PCDHA6: variants seen among roughly 807,000 people sequenced by gnomAD.
PCDHA6 encodes protocadherin alpha 6, also known as protocadherin alpha-6.
A neutral mutation model predicts 60.3 loss-of-function variants in PCDHA6; 55 were observed. The observed-to-expected ratio is 0.91, with a 90% CI of 0.73 to 1.14. The LOEUF (loss-of-function observed/expected upper bound fraction) is 1.14. PCDHA6 is among the 50% of genes most tolerant of loss of function. The pLI is 0.00. For missense variants in PCDHA6, 1,327 were observed against 1,256.5 expected (o/e 1.06, Z -0.85); for synonymous variants, 652 against 557.9 (o/e 1.17, Z -2.38).
intron 1 of PCDHA6, chr5:140,875,955 T>C: frequency 6.2e-7 from 1 of 1,614,158 alleles, no homozygotes; most frequent in African/African-American, 1.3e-5. Flanking sequence ...CTGATGCGGA[T>C]ATCGGCGTAA....
chr5:140,928,570 C>T (rs2085340367), intron 1 of PCDHA6: 1 of 1,614,196 alleles, frequency 6.2e-7, no homozygotes, highest in African/African-American at 1.3e-5. Context: ...GTTTCCCTTG[C>T]CCAGAAATGG....
intron 3 of PCDHA6, among the ~76,000 whole-genome samples, chr5:140,988,398 C>A (rs531157517): frequency 1.3e-5 from 2 of 152,238 alleles, no homozygotes; most frequent in Non-Finnish European, 2.9e-5. Context: ...TGCCAGAGTT[C>A]TCTTCGCAGC....
rs2150455604 is a variant in PCDHA6, at chr5:140,849,875, C to T, written c.2394+19390C>T. The T allele has an allele frequency of 6.9e-5, 111 of 1,598,488 alleles. 9 individuals are homozygous for T. The highest frequency in any genetic ancestry group is 8.0e-5 in the Non-Finnish European group (93 of 1,168,004). On this transcript the variant is annotated intron_variant, in intron 1 of 3. Transcript: ENST00000529310. ...CACCAGCGTTCGCGCAGTCCGAGTA[C>T]ACGGTGTTCGTGAAGGAGAACAACC...
chr5:140,841,682 G>A (rs2150320729), intron 1 of PCDHA6: 3 of 1,613,962 alleles, frequency 1.9e-6, no homozygotes, highest in East Asian at 2.2e-5. Flanking sequence ...CCATGTGGAC[G>A]TGGAGGTGAA....
At chr5:140,835,228 C>G (rs1260478265) in intron 1 of PCDHA6, 2 of 1,593,870 alleles carry the variant, frequency 1.3e-6, no homozygotes, top group African/African-American at 2.8e-5. Context: ...TACTCCTTCT[C>G]CAGTGATGTT....
chr5:140,829,176 A>C lies in PCDHA6; in HGVS notation c.1085A>C (p.Asp362Ala). 4.3e-6 allele frequency: 7 copies of C among 1,614,178 alleles called. No homozygotes were observed. In the South Asian group the frequency reaches 6.6e-5, roughly 15 times the overall value. Reference sequence around the variant, plus strand: ...TCCTTATCCTTGCCTGTACGTGAAGACGCTCAATTTGGTACTGTCATCGCC... The same window carrying C: ...TCCTTATCCTTGCCTGTACGTGAAGCCGCTCAATTTGGTACTGTCATCGCC... ...LTSLSLPVRE[D>A]AQFGTVIALI... Residue 362 changes from aspartate to alanine, a missense_variant, in exon 1 of 4, where the codon GAC (aspartate) becomes GCC (alanine). Physicochemically the swap from Asp to Ala is moderately radical, Grantham distance 126. Transcript: ENST00000529310.
intron 3 of PCDHA6, among the ~76,000 whole-genome samples, chr5:141,008,824 T>C (rs1042258496): frequency 6.6e-6 from 1 of 152,186 alleles, no homozygotes; most frequent in African/African-American, 2.4e-5. Flanking sequence ...TACAACAGGA[T>C]TCCATCCTCT....
In PCDHA6 at chr5:141,010,336, G is replaced by A. The variant is rs1297379181; in HGVS notation, c.*399G>A. ...AGATTGAGCAGCTTGGGAGTTTGTG[G>A]CCACTGGGTATGTGTGGCTACCGCG... On this transcript the variant is annotated 3_prime_UTR_variant, in exon 4 of 4. Coordinates refer to ENST00000529310, the MANE Select transcript of PCDHA6 (RefSeq NM_018909.4). 25 of 1,535,806 alleles carry A rather than the reference G, an allele frequency of 1.6e-5. No individual in the cohort carries two copies. The highest frequency in any genetic ancestry group is 2.2e-5 in the Non-Finnish European group (25 of 1,141,450).
chr5:140,869,945 T>C lies in PCDHA6; in HGVS notation c.2394+39460T>C, dbSNP rs528075021. On this transcript the variant is annotated intron_variant, in intron 1 of 3. Transcript: ENST00000529310. ...GTCAATGGAGAGGTAACATACTCCTTAATGTCAATTAAGCCCAATGGAAGA... is the reference window on the plus strand; with the variant it reads ...GTCAATGGAGAGGTAACATACTCCTCAATGTCAATTAAGCCCAATGGAAGA... 8 of 1,612,376 alleles carry C rather than the reference T, an allele frequency of 5.0e-6. No individual in the cohort carries two copies. The African/African-American group carries it at 8.0e-5, about 16-fold the overall frequency.
rs2150473414 is a variant in PCDHA6 at position 140,850,210 on chromosome 5, G to A, written c.2394+19725G>A. 67 of 1,593,594 alleles carry A rather than the reference G, an allele frequency of 4.2e-5. No individual in the cohort carries two copies. In the East Asian group the frequency reaches 1.2e-3, roughly 28 times the overall value. ...GCGCTGCTGACACCTCGGATGAGGG[G>A]CACTGACGGCGCAGTGAGCGAGATG... is the stretch of plus-strand genomic sequence containing the variant. On this transcript the variant is annotated intron_variant, in intron 1 of 3. Coordinates refer to ENST00000529310, the MANE Select transcript of PCDHA6 (RefSeq NM_018909.4).
At chr5:140,858,863 A>T (rs1042514918) in intron 1 of PCDHA6, 3 of 258,704 alleles carry the variant, frequency 1.2e-5, no homozygotes, top group Admixed American at 5.3e-5. Context: ...CTCTTCAGTG[A>T]AAATGTGTTT....
In PCDHA6 at chr5:140,846,436, G is replaced by T. The variant is rs191314082; in HGVS notation, c.2394+15951G>T. ...ATCTCCCAGGCTGGAATGCAGTGGCGCAATCTCGGCTCACTGCAACCTCTG... is the reference window on the plus strand; with the variant it reads ...ATCTCCCAGGCTGGAATGCAGTGGCTCAATCTCGGCTCACTGCAACCTCTG... On this transcript the variant is annotated intron_variant, in intron 1 of 3. Transcript: ENST00000529310. 7.4e-4 allele frequency among the ~76,000 whole-genome samples: 97 copies of T among 131,384 alleles called. 7 individuals carry two copies. The highest frequency in any genetic ancestry group is 2.7e-3 in the Admixed American group (32 of 11,706). The allele number at this position is 131,384 out of a possible 152,430, so 86.2% of individuals were successfully genotyped here.
At chr5:140,993,462 TCACACACACACACACACACACA>T (rs3836747) in intron 3 of PCDHA6, among the ~76,000 whole-genome samples, 6 of 141,044 alleles carry the variant, frequency 4.3e-5, no homozygotes, top group East Asian at 4.2e-4. Context: ...TCTTTCTTTC[TCACACACACACACACACACACA>T]CACACACACA....
intron 1 of PCDHA6, chr5:140,882,537 T>C (rs1582624652): frequency 6.2e-7 from 1 of 1,614,176 alleles, no homozygotes; most frequent in East Asian, 2.2e-5. Context: ...AATTCTCGGA[T>C]CGACCGCGAG....
At chr5:140,998,156 C>T (rs782675490) in intron 3 of PCDHA6, among the ~76,000 whole-genome samples, 3 of 152,178 alleles carry the variant, frequency 2.0e-5, no homozygotes, top group Non-Finnish European at 4.4e-5. Context: ...ACAGTTAAGC[C>T]ATGTGCCAAG....
intron 3 of PCDHA6, among the ~76,000 whole-genome samples, chr5:141,000,387 CTCTCTCTCTATATATATATA>C (rs1348939997): frequency 1.5e-5 from 1 of 66,898 alleles, no homozygotes; most frequent in Non-Finnish European, 2.8e-5. Context: ...CTCTCTCTCT[CTCTCTCTCTATATATATATA>C]TATATATATA....
intron 1 of PCDHA6, among the ~76,000 whole-genome samples, chr5:140,887,924 G>C (rs782008714): frequency 6.6e-5 from 10 of 152,026 alleles, no homozygotes; most frequent in Admixed American, 6.6e-4. Context: ...TCATTTCAGA[G>C]ACCATATTTA....
chr5:140,969,450 G>GTA (rs782343162), intron 1 of PCDHA6: 4 of 1,511,552 alleles, frequency 2.6e-6, no homozygotes, highest in Non-Finnish European at 3.6e-6. Flanking sequence ...GGTAAACTGA[G>GTA]TATATATAGT....
Position 141,010,422 on chromosome 5 carries a change from G to A in PCDHA6, c.*485G>A. The A allele has an allele frequency of 8.7e-7, 1 of 1,145,442 alleles. No homozygotes were observed. Among genetic ancestry groups the A allele is most frequent in the Non-Finnish European group, 1.2e-6 (1 of 836,490 alleles). The allele number at this position is 1,145,442 out of a possible 1,614,324, so 71.0% of individuals were successfully genotyped here. A position where few individuals can be genotyped will look rare whatever the true frequency, so the allele number is the denominator to read the frequency against. On this transcript the variant is annotated 3_prime_UTR_variant, in exon 4 of 4. Transcript: ENST00000529310. ...AGCTTAGACTAATTGGTACAAGGAA[G>A]GCAAGAAAACAAAGACAAATAAACA... is the stretch of plus-strand genomic sequence containing the variant.
Sources: allele counts gnomAD v4.1 joint callset (sites outside exome capture counted in the v4.1 genomes callset), GRCh38; gene constraint gnomAD v4.1.1; transcripts MANE v1.5; gene names NCBI Gene and HGNC (gene_info 2026-07-23, HGNC 2026-07-21).